The following LAMA4 variants were observed in gnomAD, a reference collection of about 807,000 sequenced individuals.
LAMA4 encodes the protein laminin subunit alpha-4.
LAMA4 carries 127 observed loss-of-function variants against 207.1 expected under a neutral mutation model. The observed-to-expected ratio is 0.61, with a 90% confidence interval of 0.53 to 0.71. The LOEUF is 0.71. LAMA4 is among the 30% of genes least tolerant of loss of function. The pLI, the probability that LAMA4 is intolerant of heterozygous loss-of-function variation, is 0.00. For synonymous variants in LAMA4, 761 were observed against 816.0 expected (o/e 0.93, Z 1.15); for missense variants, 2,093 against 2,246.5 (o/e 0.93, Z 1.38).
intron 10 of LAMA4, among the ~76,000 whole-genome samples, chr6:112,177,269 C>T (rs2114890858): frequency 6.6e-6 from 1 of 152,232 alleles, no homozygotes; most frequent in African/African-American, 2.4e-5. Flanking sequence ...TTTTATGTAT[C>T]CCTTTGCATG....
chr6:112,187,223 C>G, intron 8 of LAMA4: 1 of 632,696 alleles, frequency 1.6e-6, no homozygotes, highest in Non-Finnish European at 2.8e-6. Context: ...TCCCATATAA[C>G]CTCTTTTGTA....
At chr6:112,190,871 TTTTC>T (rs1173465019) in intron 6 of LAMA4, among the ~76,000 whole-genome samples, 1,564 of 91,496 alleles carry the variant, frequency 0.017, 89 homozygotes, top group Non-Finnish European at 0.022. Flanking sequence ...CAAGGTTTCT[TTTTC>T]TTTCTTTCTT....
At chr6:112,133,547 T>C in intron 26 of LAMA4, 60 bp from the exon 27 acceptor site, 2 of 1,588,820 alleles carry the variant, frequency 1.3e-6, no homozygotes, top group Non-Finnish European at 1.7e-6. Context: ...CCTGCATATG[T>C]AGGCTATGGA....
chr6:112,148,376 C>G (rs1489390546), intron 17 of LAMA4, 40 bp from the exon 18 acceptor site: 2 of 1,608,416 alleles, frequency 1.2e-6, no homozygotes, highest in Admixed American at 1.7e-5. Flanking sequence ...TGCAGAGAAG[C>G]CGGATATTTG....
In LAMA4 at chr6:112,158,763, C is replaced by T. The variant is rs1780875875; in HGVS notation, c.1786G>A (p.Asp596Asn). Residue 596 changes from aspartate (D) to asparagine (N), a missense_variant, in exon 14 of 39, where the codon GAC (aspartate) becomes AAC (asparagine). This residue lies in a region of LAMA4 where 1,704 missense variants were observed against 1,788.4 expected (regional missense o/e 0.95). Coordinates refer to ENST00000230538, the MANE Select transcript of LAMA4 (RefSeq NM_001105206.3). ...LVQEAIDHAQ[D>N]LQQEANELSR... is the part of the protein sequence containing the mutation. ...AATTCATTAGCTTCTTGTTGAAGGT[C>T]CTGTGCATGGTCAATAGCTTCTTGG... 6.2e-7 allele frequency: 1 copy of T among 1,613,724 alleles called. No homozygotes were observed. Among genetic ancestry groups the T allele is most frequent in the African/African-American group, 1.3e-5 (1 of 74,904 alleles).
At chr6:112,170,075 T>C (rs1021188279) in intron 12 of LAMA4, among the ~76,000 whole-genome samples, 29 of 152,252 alleles carry the variant, frequency 1.9e-4, no homozygotes, top group African/African-American at 6.3e-4. Flanking sequence ...CAGAAGAGAA[T>C]GGAACATGTT....
intron 5 of LAMA4, among the ~76,000 whole-genome samples, chr6:112,192,654 C>T (rs1783186191): frequency 6.6e-6 from 1 of 152,202 alleles, no homozygotes; most frequent in South Asian, 2.1e-4. Flanking sequence ...ATGAGAGAGC[C>T]CAGCTGAGTT....
At chr6:112,150,096 C>A (rs1207193135) in intron 17 of LAMA4, among the ~76,000 whole-genome samples, 2 of 152,014 alleles carry the variant, frequency 1.3e-5, no homozygotes, top group African/African-American at 4.8e-5. Flanking sequence ...CTGTTTACAG[C>A]TGGGCCAAAG....
At chr6:112,204,437 C>A (rs1554353470) in intron 4 of LAMA4, among the ~76,000 whole-genome samples, 1 of 151,592 alleles carries the variant, frequency 6.6e-6, no homozygotes, top group Admixed American at 6.6e-5. Context: ...TTAGAAAGAA[C>A]CATCTGAGAT....
chr6:112,250,660 G>C (rs1434041384), intron 2 of LAMA4, among the ~76,000 whole-genome samples: 1 of 152,170 alleles, frequency 6.6e-6, no homozygotes, highest in Admixed American at 6.5e-5. Context: ...CTTCCACCTT[G>C]CCCTGTCAGA....
intron 2 of LAMA4, among the ~76,000 whole-genome samples, chr6:112,219,721 G>C (rs1445285534): frequency 6.6e-6 from 1 of 152,102 alleles, no homozygotes; most frequent in Non-Finnish European, 1.5e-5. Flanking sequence ...AATTGAACAT[G>C]AATATCTACC....
chr6:112,180,455 C>T (rs782519561), intron 9 of LAMA4, among the ~76,000 whole-genome samples: 1 of 152,008 alleles, frequency 6.6e-6, no homozygotes, highest in African/African-American at 2.4e-5. Context: ...GTAACTTTGC[C>T]TGTGGAAGGA....
At chr6:112,201,759 G>T in intron 4 of LAMA4, 71 bp from the exon 5 acceptor site, 1 of 1,255,732 alleles carries the variant, frequency 8.0e-7, no homozygotes, top group Non-Finnish European at 1.2e-6. Flanking sequence ...CTTTTTATCA[G>T]ATTACCTCTA....
chr6:112,119,968 ACACT>A, intron 33 of LAMA4, among the ~76,000 whole-genome samples: 1 of 152,364 alleles, frequency 6.6e-6, no homozygotes, highest in Admixed American at 6.5e-5. Flanking sequence ...CCAATAAAAG[ACACT>A]CAATAATAAT....
Position 112,172,769 on chromosome 6 carries a change from T to C in LAMA4, c.1393A>G (p.Asn465Asp). 1.2e-6 allele frequency: 2 copies of C among 1,614,048 alleles called. No individual in the cohort carries two copies. The highest frequency in any genetic ancestry group is 8.5e-7 in the Non-Finnish European group (1 of 1,179,978). The change falls in exon 12 of 39, where the codon AAT becomes GAT. Residue 465 changes from asparagine (N) to aspartate (D), a missense_variant. Transcript: ENST00000230538. ...SQAESWQRLHNETRTLFPVVL... is the reference protein window; with the variant it reads ...SQAESWQRLHDETRTLFPVVL... Reference sequence around the variant, plus strand: ...ACAGGAAACAGAGTGCGGGTCTCATTGTGCAGCCGCTGCCAGCTCTCAGCC... The same window carrying C: ...ACAGGAAACAGAGTGCGGGTCTCATCGTGCAGCCGCTGCCAGCTCTCAGCC...
intron 5 of LAMA4, among the ~76,000 whole-genome samples, chr6:112,194,113 G>C (rs1336590456): frequency 2.0e-5 from 3 of 152,210 alleles, no homozygotes; most frequent in Non-Finnish European, 4.4e-5. Flanking sequence ...TAGGCCTGCA[G>C]GTCCCTAAGC....
intron 9 of LAMA4, among the ~76,000 whole-genome samples, chr6:112,182,964 A>C (rs1217938556): frequency 6.6e-6 from 1 of 152,206 alleles, no homozygotes; most frequent in Non-Finnish European, 1.5e-5. Flanking sequence ...CCCAGACATA[A>C]GTGGTGGGAA....
intron 2 of LAMA4, chr6:112,234,367 G>A (rs148033825): frequency 6.6e-6 from 1 of 152,198 alleles, no homozygotes; most frequent in East Asian, 1.9e-4. Flanking sequence ...GTAGGTTTAT[G>A]TCATAGGTTT....
chr6:112,174,043 T>C (rs1446273871), intron 11 of LAMA4, among the ~76,000 whole-genome samples: 1 of 152,234 alleles, frequency 6.6e-6, no homozygotes, highest in Non-Finnish European at 1.5e-5. Context: ...TTAAATAGTG[T>C]CATGAGATAT....
Sources: allele counts gnomAD v4.1 joint callset (sites outside exome capture counted in the v4.1 genomes callset), GRCh38; gene constraint gnomAD v4.1.1; regional missense constraint gnomAD v4.1.1; transcripts MANE v1.5; gene names NCBI Gene and HGNC (gene_info 2026-07-23, HGNC 2026-07-21).